The following CTTNBP2 variants were observed in gnomAD, a reference collection of about 807,000 sequenced individuals.
CTTNBP2 encodes the protein cortactin binding protein 2.
A neutral mutation model predicts 156.9 loss-of-function variants in CTTNBP2; 108 were observed. The ratio of observed to expected loss-of-function variants is 0.69; its 90% confidence interval spans 0.59 to 0.81. The LOEUF (loss-of-function observed/expected upper bound fraction) is 0.81. Ranked by LOEUF, CTTNBP2 falls within the 30% of genes least tolerant of loss-of-function variation. The probability of loss-of-function intolerance (pLI) is 0.00; values close to 1 mark genes in which losing one functional copy is unlikely to be tolerated. For missense variants in CTTNBP2, 1,924 were observed against 2,035.4 expected, an observed-to-expected ratio of 0.95 and a Z score of 1.05; for synonymous variants, 767 against 751.8, an observed-to-expected ratio of 1.02 and a Z score of -0.33.
intron 10 of CTTNBP2, among the ~76,000 whole-genome samples, chr7:117,759,628 T>C (rs1434045702): frequency 6.6e-6 from 1 of 152,208 alleles, no homozygotes; most frequent in Non-Finnish European, 1.5e-5. Context: ...AATACGGTGC[T>C]GTTGAAAGTA....
rs1308101221 is a variant in CTTNBP2 at position 117,819,365 on chromosome 7, T to TCACACACACA, written c.190-8377_190-8376insTGTGTGTGTG. 6.6e-5 allele frequency among the ~76,000 whole-genome samples: 9 copies of TCACACACACA among 136,914 alleles called. No homozygotes were observed. The East Asian group carries it at 8.1e-4, about 12-fold the overall frequency. 89.8% of individuals were successfully genotyped at this position (136,914 alleles called of 152,430 possible). A position where few individuals can be genotyped will look rare whatever the true frequency, so the allele number is the denominator to read the frequency against. ...TCTTTCTCTTTTCTCCTTCTCTCTCTCTCACACACACACACACACACACAC... is the reference window on the plus strand; with the variant it reads ...TCTTTCTCTTTTCTCCTTCTCTCTCTCACACACACACTCACACACACACACACACACACAC... On this transcript the variant is annotated intron_variant, in intron 2 of 22. Coordinates refer to ENST00000160373, the MANE Select transcript of CTTNBP2 (RefSeq NM_033427.3).
intron 16 of CTTNBP2, among the ~76,000 whole-genome samples, chr7:117,731,952 T>C (rs1795426245): frequency 6.6e-6 from 1 of 152,238 alleles, no homozygotes; most frequent in Non-Finnish European, 1.5e-5. Flanking sequence ...TATGTGTATA[T>C]AGTCCCTCAC....
Position 117,711,127 on chromosome 7 carries a change from C to CCAA in CTTNBP2, c.*407_*409dup. The CCAA allele has an allele frequency of 6.5e-6, 1 of 154,152 alleles. No individual in the cohort carries two copies. Among genetic ancestry groups the CCAA allele is most frequent in the Middle Eastern group, 3.4e-3 (1 of 292 alleles). The allele number at this position is 154,152 out of a possible 1,614,324, so 9.5% of individuals were successfully genotyped here. A position where few individuals can be genotyped will look rare whatever the true frequency, so the allele number is the denominator to read the frequency against. On this transcript the variant is annotated 3_prime_UTR_variant, in exon 23 of 23. Transcript: ENST00000160373. Reference sequence around the variant, plus strand: ...TTTAAAACGGTACAAGTTATCTAAGCCAACTTTGTACTTTTTTGCTACTTT... The same window carrying CCAA: ...TTTAAAACGGTACAAGTTATCTAAGCCAACAACTTTGTACTTTTTTGCTACTTT...
chr7:117,728,368 G>C (rs1010303838), intron 16 of CTTNBP2, 101 bp from the exon 17 acceptor site: 9 of 850,914 alleles, frequency 1.1e-5, no homozygotes, highest in Non-Finnish European at 1.7e-5. Context: ...AAATTGAAAA[G>C]TAGCTGAATC....
At chr7:117,807,471 C>T (rs1395497222) in intron 3 of CTTNBP2, among the ~76,000 whole-genome samples, 1 of 152,152 alleles carries the variant, frequency 6.6e-6, no homozygotes, top group Non-Finnish European at 1.5e-5. Context: ...ATATTTTGTT[C>T]TTTTCTGACC....
Position 117,784,369 on chromosome 7 carries a change from A to G in CTTNBP2, c.2154T>C (p.Ala718=), listed in dbSNP as rs902902361. The G allele has an allele frequency of 1.2e-6, 2 of 1,613,854 alleles. No homozygotes were observed. Among genetic ancestry groups the G allele is most frequent in the Admixed American group, 3.3e-5 (2 of 59,888 alleles). ...ATAATAAAGTGACATTTCCCTGGGC[A>G]GCAGCTTGCTGAAGAAGGGTGGGCC... ...AGRPTLLQQA[A]AQGNVTLLSM... is the part of the protein sequence containing the mutation. The change falls in exon 5 of 23, where the codon GCT becomes GCC. Residue 718 remains alanine (A), a synonymous_variant. Coordinates refer to ENST00000160373, the MANE Select transcript of CTTNBP2 (RefSeq NM_033427.3).
Position 117,719,560 on chromosome 7 carries a change from G to GC in CTTNBP2, c.4587_4588insG (p.Leu1530AlafsTer14). ...CACATGCTCTGAAGTTCCTTGACAA[G>GC]ATCTGCTTCGTCATCTGAACCCAGA... On this transcript the variant is annotated frameshift_variant, in exon 21 of 23. Transcript: ENST00000160373. LOFTEE classifies it high-confidence loss of function. 6.2e-7 allele frequency: 1 copy of GC among 1,613,838 alleles called. No homozygotes were observed. The highest frequency in any genetic ancestry group is 8.5e-7 in the Non-Finnish European group (1 of 1,179,832).
At chr7:117,866,372 A>G (rs1804199466) in intron 1 of CTTNBP2, among the ~76,000 whole-genome samples, 1 of 152,208 alleles carries the variant, frequency 6.6e-6, no homozygotes, top group Non-Finnish European at 1.5e-5. Context: ...TATGAGCCAC[A>G]ATGGCAGAGA....
At chr7:117,852,541 T>C (rs2117199369) in intron 2 of CTTNBP2, among the ~76,000 whole-genome samples, 1 of 152,268 alleles carries the variant, frequency 6.6e-6, no homozygotes, top group Non-Finnish European at 1.5e-5. Context: ...AATCATACCC[T>C]AATTACAGAA....
At chr7:117,827,634 A>G (rs1199682914) in intron 2 of CTTNBP2, among the ~76,000 whole-genome samples, 1 of 152,228 alleles carries the variant, frequency 6.6e-6, no homozygotes, top group African/African-American at 2.4e-5. Flanking sequence ...TTGCAGTATG[A>G]TAATTCCAGA....
At chr7:117,851,715 A>G (rs1282753435) in intron 2 of CTTNBP2, among the ~76,000 whole-genome samples, 1 of 152,026 alleles carries the variant, frequency 6.6e-6, no homozygotes, top group East Asian at 1.9e-4. Context: ...ACCAAACCAA[A>G]CTCACAACTT....
In CTTNBP2 at chr7:117,781,814, C is replaced by T. The variant is rs1000435043; in HGVS notation, c.2372+1048G>A. ...TTGCAAAGTTATCCATGCTTCCATTCCTGTGACTGCTATATGTCCAAGAAA... is the reference window on the plus strand; with the variant it reads ...TTGCAAAGTTATCCATGCTTCCATTTCTGTGACTGCTATATGTCCAAGAAA... On this transcript the variant is annotated intron_variant, in intron 6 of 22. Coordinates refer to ENST00000160373, the MANE Select transcript of CTTNBP2 (RefSeq NM_033427.3). 9.8e-5 allele frequency among the ~76,000 whole-genome samples: 15 copies of T among 152,294 alleles called. No individual in the cohort carries two copies. In the East Asian group the frequency reaches 1.9e-3, roughly 20 times the overall value.
chr7:117,818,470 G>A (rs1800756757), intron 2 of CTTNBP2, among the ~76,000 whole-genome samples: 1 of 152,188 alleles, frequency 6.6e-6, no homozygotes, highest in Admixed American at 6.5e-5. Context: ...AGGAAGAAAT[G>A]TGAGTCAGTT....
chr7:117,725,301 C>A, intron 17 of CTTNBP2, 44 bp from the exon 18 acceptor site: 2 of 1,544,214 alleles, frequency 1.3e-6, no homozygotes, highest in South Asian at 2.2e-5. Flanking sequence ...GCAGGCTTCT[C>A]AATAATTATA....
intron 1 of CTTNBP2, chr7:117,872,165 G>T: frequency 6.4e-6 from 1 of 157,282 alleles, no homozygotes; most frequent in Non-Finnish European, 1.4e-5. Flanking sequence ...GCCAGGCTCA[G>T]CTCCTCTCAC....
intron 2 of CTTNBP2, among the ~76,000 whole-genome samples, chr7:117,844,719 G>A (rs1012754364): frequency 3.9e-5 from 6 of 152,158 alleles, no homozygotes; most frequent in Non-Finnish European, 1.5e-5. Context: ...ACAGACTTGA[G>A]TGCACAATAA....
At chr7:117,794,012 A>C (rs1383300698) in intron 3 of CTTNBP2, among the ~76,000 whole-genome samples, 3 of 151,876 alleles carry the variant, frequency 2.0e-5, no homozygotes, top group Non-Finnish European at 2.9e-5. Context: ...ACCCCCCCTC[A>C]CCCCAAGTAT....
At chr7:117,798,069 C>T (rs775406257) in intron 3 of CTTNBP2, among the ~76,000 whole-genome samples, 9 of 152,124 alleles carry the variant, frequency 5.9e-5, no homozygotes, top group Non-Finnish European at 1.3e-4. Flanking sequence ...AGACATATTA[C>T]GTACAGAGAA....
intron 14 of CTTNBP2, among the ~76,000 whole-genome samples, chr7:117,744,829 C>T (rs956471207): frequency 2.6e-5 from 4 of 152,166 alleles, no homozygotes; most frequent in South Asian, 2.1e-4. Context: ...CCCCAGAAAT[C>T]GAGGCTGCAG....
Sources: allele counts gnomAD v4.1 joint callset (sites outside exome capture counted in the v4.1 genomes callset), GRCh38; gene constraint gnomAD v4.1.1; transcripts MANE v1.5; gene names NCBI Gene and HGNC (gene_info 2026-07-23, HGNC 2026-07-21).